The following IBTK variants were observed in gnomAD, a reference collection of about 807,000 sequenced individuals.
IBTK encodes inhibitor of Bruton tyrosine kinase.
Under a neutral mutation model 154.9 loss-of-function variants are expected in IBTK, and 83 were observed. That is an observed-to-expected ratio of 0.54 (90% CI 0.45 to 0.64). The LOEUF (loss-of-function observed/expected upper bound fraction) is 0.64, where lower values mean the gene tolerates loss of function less well. IBTK is among the 30% of genes least tolerant of loss of function. IBTK has a pLI of 0.00. For synonymous variants in IBTK, 515 were observed against 536.1 expected (o/e 0.96, Z 0.54); for missense variants, 1,332 against 1,584.6 (o/e 0.84, Z 2.71).
intron 18 of IBTK, among the ~76,000 whole-genome samples, chr6:82,201,833 C>T (rs1426364944): frequency 6.6e-6 from 1 of 152,010 alleles, no homozygotes; most frequent in Admixed American, 6.6e-5. Flanking sequence ...AGTGATTCTC[C>T]TGCTTCACAC....
At chr6:82,240,108 T>G (rs1191070754) in intron 2 of IBTK, 58 bp downstream of exon 2, 6 of 1,437,514 alleles carry the variant, frequency 4.2e-6, no homozygotes, top group Admixed American at 2.1e-5. Flanking sequence ...TGTATGAAAA[T>G]GATTAAGAAA....
intron 18 of IBTK, among the ~76,000 whole-genome samples, chr6:82,202,102 A>C (rs1324671013): frequency 6.6e-6 from 1 of 152,174 alleles, no homozygotes; most frequent in African/African-American, 2.4e-5. Flanking sequence ...AACTAAATGA[A>C]TCTATGTAAT....
chr6:82,197,377 T>C (rs1358656066), intron 21 of IBTK, among the ~76,000 whole-genome samples: 1 of 150,178 alleles, frequency 6.7e-6, no homozygotes, highest in Non-Finnish European at 1.5e-5. Flanking sequence ...TTTTGAATTT[T>C]TTTTTTTTTT....
chr6:82,213,664 A>G (rs563845851), intron 12 of IBTK, among the ~76,000 whole-genome samples: 141 of 152,228 alleles, frequency 9.3e-4, no homozygotes, highest in Middle Eastern at 6.8e-3. Context: ...AACTTGAAAG[A>G]CCTTTCCAGC....
rs550111404 is a variant in IBTK at position 82,241,331 on chromosome 6, C to T, written c.-357-488G>A. Among the ~76,000 whole-genome samples the T allele has an allele frequency of 8.5e-5, 13 of 152,214 alleles. No individual in the cohort carries two copies. In the South Asian group the frequency reaches 2.7e-3, roughly 32 times the overall value. ...GAATCCCATCCCAAACCTATACCCC[C>T]TAAAACTGTATCATCACCACCAACA... On this transcript the variant is annotated intron_variant, in intron 1 of 28. Coordinates refer to ENST00000306270, the MANE Select transcript of IBTK (RefSeq NM_015525.4).
intron 4 of IBTK, among the ~76,000 whole-genome samples, chr6:82,228,856 C>T (rs1275551591): frequency 1.3e-5 from 2 of 152,004 alleles, no homozygotes; most frequent in East Asian, 1.9e-4. Context: ...CTCCTGACCT[C>T]GTGATCTGCC....
chr6:82,173,137 C>A, intron 27 of IBTK: 1 of 337,630 alleles, frequency 3.0e-6, no homozygotes, highest in Non-Finnish European at 5.3e-6. Flanking sequence ...GAGTAGCTGG[C>A]ATCACAGGCA....
intron 8 of IBTK, 73 bp from the exon 9 acceptor site, chr6:82,220,786 A>AGTAT: frequency 8.2e-7 from 1 of 1,217,340 alleles, no homozygotes; most frequent in Non-Finnish European, 1.1e-6. Context: ...CAAAGAAGTT[A>AGTAT]GTATTCAAAC....
chr6:82,218,031 A>G lies in IBTK; in HGVS notation c.1355T>C (p.Phe452Ser). 6.2e-7 allele frequency: 1 copy of G among 1,612,482 alleles called. No individual in the cohort carries two copies. Among genetic ancestry groups the G allele is most frequent in the Non-Finnish European group, 8.5e-7 (1 of 1,179,184 alleles). ...AAATCCTTCTCCATCTTGCGTAACA[A>G]ATAGAATTTCATTTCTATTTAAAGC... ...DIALNRNEILFVTQDGEGFRG... is the reference protein window; with the variant it reads ...DIALNRNEILSVTQDGEGFRG... The change falls in exon 10 of 29, where the codon TTT (phenylalanine) becomes TCT (serine). Residue 452 changes from phenylalanine (F) to serine (S), a missense_variant. Physicochemically the swap from Phe to Ser is radical, Grantham distance 155. Transcript: ENST00000306270.
intron 3 of IBTK, 143 bp downstream of exon 3, chr6:82,234,016 G>A (rs1469937339): frequency 1.5e-5 from 6 of 391,148 alleles, no homozygotes; most frequent in Admixed American, 4.2e-5. Context: ...GGTGTGAGCC[G>A]CAGCGCCCAG....
rs746618347 is a variant in IBTK, at chr6:82,225,504, C to T, written c.798G>A (p.Pro266=). 33 of 1,612,082 alleles carry T rather than the reference C, an allele frequency of 2.0e-5. No individual in the cohort carries two copies. The highest frequency in any genetic ancestry group is 5.3e-5 in the African/African-American group (4 of 74,860). Reference sequence around the variant, plus strand: ...GTCTGGGTACATTACAACTGGAAGGCGGTGGAATAATTCCTAATTGATGAA... The same window carrying T: ...GTCTGGGTACATTACAACTGGAAGGTGGTGGAATAATTCCTAATTGATGAA... ...NIFHQLGIIP[P]PSSCNVPRQI... is the part of the protein sequence containing the mutation. Residue 266 remains proline (P), a synonymous_variant, in exon 6 of 29, where the codon CCG becomes CCA. Coordinates refer to ENST00000306270, the MANE Select transcript of IBTK (RefSeq NM_015525.4).
At chr6:82,198,811 CGTATA>C (rs934188500) in intron 21 of IBTK, among the ~76,000 whole-genome samples, 1 of 151,768 alleles carries the variant, frequency 6.6e-6, no homozygotes, top group Non-Finnish European at 1.5e-5. Flanking sequence ...ACTACTAAAA[CGTATA>C]TAGTTTAATC....
At chr6:82,220,937 T>TACACACACACAC (rs57358110) in intron 8 of IBTK, among the ~76,000 whole-genome samples, 5,596 of 130,036 alleles carry the variant, frequency 0.043, 184 homozygotes, top group Non-Finnish European at 0.047. Flanking sequence ...TGACTTTACC[T>TACACACACACAC]ACACACACAC....
chr6:82,228,536 A>T (rs560494287), intron 4 of IBTK, among the ~76,000 whole-genome samples: 11 of 152,326 alleles, frequency 7.2e-5, no homozygotes, highest in African/African-American at 2.4e-4. Flanking sequence ...AAATATTAGA[A>T]TGCCATCCTA....
chr6:82,213,248 C>G (rs1173409341), intron 12 of IBTK, among the ~76,000 whole-genome samples: 3 of 152,222 alleles, frequency 2.0e-5, no homozygotes, highest in South Asian at 4.2e-4. Flanking sequence ...AGCTTGGTCT[C>G]AAACTCCTGA....
chr6:82,222,965 C>T (rs1351660593), intron 8 of IBTK, among the ~76,000 whole-genome samples: 1 of 151,214 alleles, frequency 6.6e-6, no homozygotes, highest in South Asian at 2.1e-4. Context: ...CCAACTGCTA[C>T]TTTACTGCAT....
Position 82,216,056 on chromosome 6 carries a change from T to G in IBTK, c.1601+20A>C. 6.4e-7 allele frequency: 1 copy of G among 1,557,204 alleles called. No individual in the cohort carries two copies. Among genetic ancestry groups the G allele is most frequent in the Non-Finnish European group, 8.7e-7 (1 of 1,151,514 alleles). ...TGATTGTTCCTTCTAAAAAATGAAA[T>G]TTAATATATACAAGTATACCTTGTT... is the stretch of plus-strand genomic sequence containing the variant. On this transcript the variant is annotated intron_variant, in intron 11 of 28. Coordinates refer to ENST00000306270, the MANE Select transcript of IBTK (RefSeq NM_015525.4).
chr6:82,225,600 C>A lies in IBTK; in HGVS notation c.702G>T (p.Val234=). 6.2e-7 allele frequency: 1 copy of A among 1,613,314 alleles called. No homozygotes were observed. The highest frequency in any genetic ancestry group is 8.5e-7 in the Non-Finnish European group (1 of 1,179,736). ...EGLNGHNCSQ[V]AAAKDHTVVL... is the part of the protein sequence containing the mutation. Reference sequence around the variant, plus strand: ...CAACAGTATGATCCTTAGCAGCTGCCACTTGGGAACAATTATGACCATTCA... The same window carrying A: ...CAACAGTATGATCCTTAGCAGCTGCAACTTGGGAACAATTATGACCATTCA... The change falls in exon 6 of 29, where the codon GTG becomes GTT. Residue 234 remains valine (V), a synonymous_variant. Coordinates refer to ENST00000306270, the MANE Select transcript of IBTK (RefSeq NM_015525.4).
Position 82,240,719 on chromosome 6 carries a change from T to C in IBTK, c.-233A>G, listed in dbSNP as rs1770912820. 2.1e-6 allele frequency: 1 copy of C among 477,774 alleles called. No homozygotes were observed. The highest frequency in any genetic ancestry group is 3.6e-6 in the Non-Finnish European group (1 of 274,312). The allele number at this position is 477,774 out of a possible 1,614,324, so 29.6% of individuals were successfully genotyped here. Reference sequence around the variant, plus strand: ...TAAAGTTCATATCAAATACAAGTTCTTCATTTAAAAAAATTCCACAGTTTA... The same window carrying C: ...TAAAGTTCATATCAAATACAAGTTCCTCATTTAAAAAAATTCCACAGTTTA... On this transcript the variant is annotated 5_prime_UTR_variant, in exon 2 of 29. Coordinates refer to ENST00000306270, the MANE Select transcript of IBTK (RefSeq NM_015525.4).
Sources: allele counts gnomAD v4.1 joint callset (sites outside exome capture counted in the v4.1 genomes callset), GRCh38; gene constraint gnomAD v4.1.1; transcripts MANE v1.5; gene names NCBI Gene and HGNC (gene_info 2026-07-23, HGNC 2026-07-21).